CMKLR2: variants seen among roughly 807,000 people sequenced by gnomAD.
CMKLR2 encodes the protein chemerin-like receptor 2.
Under a neutral mutation model 23.0 loss-of-function variants are expected in CMKLR2, and 18 were observed. The ratio of observed to expected loss-of-function variants is 0.78; its 90% CI spans 0.54 to 1.16. The LOEUF is 1.16. Ranked by LOEUF, CMKLR2 falls within the 50% of genes most tolerant of loss-of-function variation. CMKLR2 has a pLI of 0.00. For missense variants in CMKLR2, 401 were observed against 412.7 expected (o/e 0.97, Z 0.25); for synonymous variants, 158 against 158.9 (o/e 0.99, Z 0.05).
At chr2:206,177,470 C>G (rs962449882) in intron 1 of CMKLR2, among the ~76,000 whole-genome samples, 195 bp from the exon 2 acceptor site, 8 of 152,090 alleles carry the variant, frequency 5.3e-5, no homozygotes, top group Non-Finnish European at 1.0e-4. Flanking sequence ...CTCACTGCAG[C>G]CTTGACCTCC....
chr2:206,205,851 C>T (rs2105835722), intron 1 of CMKLR2, among the ~76,000 whole-genome samples: 1 of 152,026 alleles, frequency 6.6e-6, no homozygotes, highest in East Asian at 1.9e-4. Context: ...AGGCATATGC[C>T]ACCATGCCCG....
intron 1 of CMKLR2, among the ~76,000 whole-genome samples, chr2:206,209,374 T>C (rs186375584): frequency 9.9e-5 from 15 of 151,968 alleles, no homozygotes; most frequent in African/African-American, 3.4e-4. Flanking sequence ...TTGTTGTTTG[T>C]TTTTTCAACT....
At chr2:206,197,821 G>C (rs142530860) in intron 1 of CMKLR2, among the ~76,000 whole-genome samples, 167 of 152,258 alleles carry the variant, frequency 1.1e-3, no homozygotes, top group African/African-American at 3.9e-3. Flanking sequence ...GAGCCACCAT[G>C]CTCAACCCAG....
At chr2:206,205,186 A>T (rs1402189796) in intron 1 of CMKLR2, among the ~76,000 whole-genome samples, 1 of 152,234 alleles carries the variant, frequency 6.6e-6, no homozygotes, top group East Asian at 1.9e-4. Context: ...AGCAGATTCC[A>T]CTTACCATAC....
At chr2:206,191,093 G>A (rs1290341290) in intron 1 of CMKLR2, among the ~76,000 whole-genome samples, 3 of 152,148 alleles carry the variant, frequency 2.0e-5, no homozygotes, top group Non-Finnish European at 2.9e-5. Context: ...AGGCAATATC[G>A]TGGTCTATGG....
chr2:206,204,718 CCCGGTTTGTG>C (rs1331198198), intron 1 of CMKLR2, among the ~76,000 whole-genome samples: 1 of 152,000 alleles, frequency 6.6e-6, no homozygotes, highest in Non-Finnish European at 1.5e-5. Context: ...AGCCACCGCA[CCCGGTTTGTG>C]GGTACTTTTG....
At chr2:206,208,772 T>C (rs1485918323) in intron 1 of CMKLR2, among the ~76,000 whole-genome samples, 1 of 151,854 alleles carries the variant, frequency 6.6e-6, no homozygotes, top group Non-Finnish European at 1.5e-5. Context: ...CCTAAGTAAC[T>C]AGGACCTCCT....
rs1688220136 is a variant in CMKLR2 at position 206,176,511 on chromosome 2, C to G, written c.737G>C (p.Trp246Ser). Residue 246 changes from tryptophan to serine, a missense_variant, in exon 2 of 2, where the codon TGG becomes TCG. Coordinates refer to ENST00000621141, the MANE Select transcript of CMKLR2 (RefSeq NM_001389445.1). The stretch of plus-strand genomic sequence containing the variant: ...GGCCACAACCACAACCAGAATTGTC[C>G]AGAAATGCCTACTGGAGATCAGGAT... ...RSILISSRHF[W>S]TILVVVVAFV... 2 of 1,614,148 alleles carry G rather than the reference C, an allele frequency of 1.2e-6. No homozygotes were observed. Among genetic ancestry groups the G allele is most frequent in the Non-Finnish European group, 1.7e-6 (2 of 1,180,034 alleles).
chr2:206,214,868 G>C (rs955246434), upstream of CMKLR2, among the ~76,000 whole-genome samples: 1 of 151,450 alleles, frequency 6.6e-6, no homozygotes, highest in Non-Finnish European at 1.5e-5. Flanking sequence ...CTCGTGATCC[G>C]CCCGCCTCGG....
In CMKLR2 at chr2:206,176,414, G is replaced by A. The variant is rs1688213788; in HGVS notation, c.834C>T (p.Ser278=). Residue 278 remains serine, a synonymous_variant, in exon 2 of 2, where the codon TCC becomes TCT. Coordinates refer to ENST00000621141, the MANE Select transcript of CMKLR2 (RefSeq NM_001389445.1). ...WELTIHHNSY[S]HHVMQAGIPL... ...GGATTCCAGCCTGCATCACATGGTG[G>A]GAATAGCTATTGTGGTGAATGGTGA... is the stretch of plus-strand genomic sequence containing the variant. The A allele has an allele frequency of 1.5e-5, 25 of 1,614,142 alleles. No individual in the cohort carries two copies. The highest frequency in any genetic ancestry group is 2.1e-5 in the Non-Finnish European group (25 of 1,180,018).
intron 1 of CMKLR2, among the ~76,000 whole-genome samples, chr2:206,178,245 A>G (rs1688294517): frequency 1.3e-5 from 2 of 152,172 alleles, no homozygotes; most frequent in Non-Finnish European, 2.9e-5. Flanking sequence ...AGCCTGGGCA[A>G]CAGAGCAGGA....
intron 1 of CMKLR2, among the ~76,000 whole-genome samples, chr2:206,182,733 G>T (rs1477270554): frequency 6.6e-6 from 1 of 151,908 alleles, no homozygotes; most frequent in African/African-American, 2.4e-5. Context: ...TGATTCTCCT[G>T]CCTCAGCCTC....
intron 1 of CMKLR2, among the ~76,000 whole-genome samples, chr2:206,178,035 G>T (rs913316576): frequency 6.6e-6 from 1 of 152,134 alleles, no homozygotes; most frequent in Non-Finnish European, 1.5e-5. Context: ...CAGCACTTTG[G>T]GAGGCTGAGA....
chr2:206,193,747 G>A (rs919778343), intron 1 of CMKLR2, among the ~76,000 whole-genome samples: 5 of 152,092 alleles, frequency 3.3e-5, no homozygotes, highest in African/African-American at 1.2e-4. Context: ...TTTTTTAAAG[G>A]CTAAAAATGA....
At chr2:206,207,728 C>CTTTTTTTTTTTTTTTTTTTTTGTTT (rs1689384010) in intron 1 of CMKLR2, among the ~76,000 whole-genome samples, 1 of 43,582 alleles carries the variant, frequency 2.3e-5, no homozygotes, top group African/African-American at 1.2e-4. Flanking sequence ...ACCTCAGGGC[C>CTTTTTTTTTTTTTTTTTTTTTGTTT]TTTTTTTTTT....
chr2:206,209,434 T>C (rs1689456202), intron 1 of CMKLR2, among the ~76,000 whole-genome samples: 1 of 152,068 alleles, frequency 6.6e-6, no homozygotes. Context: ...GTTTGTTACA[T>C]AGGTAAATGT....
chr2:206,190,834 T>C lies in CMKLR2; in HGVS notation c.-28-13559A>G, dbSNP rs572152790. Among the ~76,000 whole-genome samples, 3 of 152,362 alleles carry C rather than the reference T, an allele frequency of 2.0e-5. No homozygotes were observed. The East Asian group carries it at 5.8e-4, about 29-fold the overall frequency. ...AAAGGCATTTGCAGCCTGATCTGCATGTCAGCCCCCATGCTTCACTTTGAC... is the reference window on the plus strand; with the variant it reads ...AAAGGCATTTGCAGCCTGATCTGCACGTCAGCCCCCATGCTTCACTTTGAC... On this transcript the variant is annotated intron_variant, in intron 1 of 1. Coordinates refer to ENST00000621141, the MANE Select transcript of CMKLR2 (RefSeq NM_001389445.1).
At chr2:206,210,791 A>C (rs1689533070) in intron 1 of CMKLR2, among the ~76,000 whole-genome samples, 1 of 152,180 alleles carries the variant, frequency 6.6e-6, no homozygotes, top group Non-Finnish European at 1.5e-5. Flanking sequence ...GGCACAACTG[A>C]ATAAAGAAAA....
chr2:206,176,246 G>A lies in CMKLR2; in HGVS notation c.1002C>T (p.Gly334=). The change falls in exon 2 of 2, where the codon GGC becomes GGT. Residue 334 remains glycine (G), a synonymous_variant. Coordinates refer to ENST00000621141, the MANE Select transcript of CMKLR2 (RefSeq NM_001389445.1). Reference sequence around the variant, plus strand: ...AGTTCCTGAGCTGTTCACTCACTGTGCCAGAACAGCTGACTTCCCACAGTG... The same window carrying A: ...AGTTCCTGAGCTGTTCACTCACTGTACCAGAACAGCTGACTTCCCACAGTG... ...KYTLWEVSCS[G]TVSEQLRNSE... is the part of the protein sequence containing the mutation. The A allele has an allele frequency of 6.2e-7, 1 of 1,614,196 alleles. No homozygotes were observed. The highest frequency in any genetic ancestry group is 8.5e-7 in the Non-Finnish European group (1 of 1,180,038).
Sources: gnomAD v4.1 joint callset for allele counts (sites outside exome capture counted in the v4.1 genomes callset) on GRCh38, gnomAD v4.1.1 for gene constraint, MANE v1.5 for transcripts, NCBI Gene and HGNC (gene_info 2026-07-23, HGNC 2026-07-21) for gene names.